SYT14: variants seen among roughly 807,000 people sequenced by gnomAD.
The protein encoded by SYT14 is synaptotagmin 14, also known as synaptotagmin-14.
In SYT14, 32 loss-of-function variants were observed where a neutral mutation model predicts 74.2. The ratio of observed to expected loss-of-function variants is 0.43; its 90% confidence interval spans 0.33 to 0.58. SYT14 has a LOEUF of 0.58. Among genes scored for constraint, SYT14 ranks in the 20% least tolerant of loss-of-function variants. The pLI, the probability that SYT14 is intolerant of heterozygous loss-of-function variation, is 0.05. For synonymous variants in SYT14, 298 were observed against 337.7 expected (o/e 0.88, Z 1.29); for missense variants, 791 against 981.8 (o/e 0.81, Z 2.60).
At chr1:210,041,771 TAC>T (rs1408338936) in intron 5 of SYT14, among the ~76,000 whole-genome samples, 1 of 152,078 alleles carries the variant, frequency 6.6e-6, no homozygotes, top group Non-Finnish European at 1.5e-5. Context: ...AGAATACTCT[TAC>T]AAGTTAGGCA....
intron 5 of SYT14, among the ~76,000 whole-genome samples, chr1:210,031,113 TA>T (rs2080525049): frequency 2.4e-5 from 3 of 123,420 alleles, no homozygotes; most frequent in Admixed American, 2.4e-4. Context: ...TTTTTTTTGG[TA>T]GAGATTGGGG....
chr1:210,041,677 C>A (rs1297817364), intron 5 of SYT14, among the ~76,000 whole-genome samples: 1 of 151,990 alleles, frequency 6.6e-6, no homozygotes, highest in African/African-American at 2.4e-5. Flanking sequence ...TAGAAGAAAT[C>A]ATAAACTTAA....
chr1:210,150,868 AATTAT>A, intron 7 of SYT14, among the ~76,000 whole-genome samples: 1 of 152,234 alleles, frequency 6.6e-6, no homozygotes, highest in East Asian at 1.9e-4. Context: ...TGTTAATAGG[AATTAT>A]ATTGTATTTT....
intron 2 of SYT14, among the ~76,000 whole-genome samples, chr1:209,997,974 T>C (rs2079828753): frequency 6.6e-6 from 1 of 152,186 alleles, no homozygotes. Flanking sequence ...TTTAAAAAGT[T>C]AAAGGCTTTT....
intron 2 of SYT14, among the ~76,000 whole-genome samples, chr1:209,958,925 C>T (rs185064037): frequency 2.0e-3 from 298 of 151,994 alleles, no homozygotes; most frequent in African/African-American, 6.6e-3. Flanking sequence ...CAAGTGTTGG[C>T]GAGGATGTGG....
intron 2 of SYT14, among the ~76,000 whole-genome samples, chr1:209,992,924 G>C (rs1204865558): frequency 6.6e-6 from 1 of 152,158 alleles, no homozygotes; most frequent in Non-Finnish European, 1.5e-5. Context: ...TGAACCCTAG[G>C]ACTAGTTCCT....
At chr1:210,107,669 A>G (rs960930275) in intron 7 of SYT14, among the ~76,000 whole-genome samples, 1 of 152,220 alleles carries the variant, frequency 6.6e-6, no homozygotes, top group Non-Finnish European at 1.5e-5. Flanking sequence ...AGAAATATTT[A>G]TGTAAAGTTC....
intron 7 of SYT14, among the ~76,000 whole-genome samples, chr1:210,148,386 G>A (rs2083086446): frequency 6.6e-6 from 1 of 152,058 alleles, no homozygotes; most frequent in Admixed American, 6.6e-5. Context: ...GCGGGCGCCT[G>A]TAGTCTCAGC....
At chr1:209,951,000 T>C (rs963513219) in intron 1 of SYT14, among the ~76,000 whole-genome samples, 7 of 152,198 alleles carry the variant, frequency 4.6e-5, no homozygotes, top group Admixed American at 6.5e-5. Context: ...ATTACTCTTA[T>C]AATAAATTAG....
intron 2 of SYT14, among the ~76,000 whole-genome samples, chr1:209,974,772 G>A (rs1350966783): frequency 6.6e-6 from 1 of 152,142 alleles, no homozygotes; most frequent in Non-Finnish European, 1.5e-5. Flanking sequence ...GCTTGATGGA[G>A]ATGGCATTGA....
chr1:210,013,042 C>T (rs562835596), intron 2 of SYT14, among the ~76,000 whole-genome samples: 9 of 150,794 alleles, frequency 6.0e-5, no homozygotes, highest in South Asian at 2.1e-4. Flanking sequence ...CAGTGCTCTT[C>T]GATGGATTAA....
At chr1:209,996,984 A>G (rs752746729) in intron 2 of SYT14, among the ~76,000 whole-genome samples, 4 of 152,044 alleles carry the variant, frequency 2.6e-5, no homozygotes, top group Admixed American at 6.6e-5. Flanking sequence ...TGAGTCATCT[A>G]TGCCAGACTC....
chr1:209,941,223 C>A (rs867854376), intron 1 of SYT14, among the ~76,000 whole-genome samples: 18 of 152,024 alleles, frequency 1.2e-4, no homozygotes, highest in African/African-American at 3.9e-4. Context: ...TTTTATCAGT[C>A]AGATGTGTAA....
At chr1:209,983,964 T>C (rs1196463729) in intron 2 of SYT14, among the ~76,000 whole-genome samples, 3 of 152,204 alleles carry the variant, frequency 2.0e-5, no homozygotes, top group Non-Finnish European at 4.4e-5. Context: ...CAGAGATGTT[T>C]CTTTTTCCTT....
At chr1:210,092,993 G>A (rs1054618606) in intron 5 of SYT14, among the ~76,000 whole-genome samples, 1 of 152,114 alleles carries the variant, frequency 6.6e-6, no homozygotes, top group African/African-American at 2.4e-5. Flanking sequence ...AGGTACTTGA[G>A]CATTTTTGCA....
chr1:210,059,221 A>G (rs1389684213), intron 5 of SYT14, among the ~76,000 whole-genome samples: 1 of 151,942 alleles, frequency 6.6e-6, no homozygotes, highest in Non-Finnish European at 1.5e-5. Flanking sequence ...AATTAAGGGC[A>G]GGATGAGAGA....
intron 2 of SYT14, among the ~76,000 whole-genome samples, chr1:210,002,774 T>C (rs201040931): frequency 1.3e-5 from 2 of 152,122 alleles, no homozygotes; most frequent in East Asian, 3.8e-4. Flanking sequence ...CTTTGCCCAT[T>C]TTTTTACTGT....
At chr1:209,983,634 G>A (rs2079525962) in intron 2 of SYT14, among the ~76,000 whole-genome samples, 1 of 151,846 alleles carries the variant, frequency 6.6e-6, no homozygotes, top group Non-Finnish European at 1.5e-5. Flanking sequence ...TTCTGTCCCT[G>A]GTTTATTTTA....
rs184506442 is a variant in SYT14, at chr1:210,102,233, C to T, written c.2034+1772C>T. On this transcript the variant is annotated intron_variant, in intron 7 of 9. Transcript: ENST00000637265. ...GCCCAGGACCTAATAGTTAATTTTC[C>T]TGATCCTCTATCTTCTCCCACCTGC... is the stretch of plus-strand genomic sequence containing the variant. 1.7e-3 allele frequency among the ~76,000 whole-genome samples: 256 copies of T among 152,206 alleles called. 1 individual carries two copies. Among genetic ancestry groups the T allele is most frequent in the African/African-American group, 5.4e-3 (225 of 41,524 alleles).
Sources: gnomAD v4.1 joint callset for allele counts (sites outside exome capture counted in the v4.1 genomes callset) on GRCh38, gnomAD v4.1.1 for gene constraint, MANE v1.5 for transcripts, NCBI Gene and HGNC (gene_info 2026-07-23, HGNC 2026-07-21) for gene names.